Variants in POU2F1 observed in about 807,000 individuals in gnomAD.
The protein encoded by POU2F1 is POU class 2 homeobox 1, also known as POU domain, class 2, transcription factor 1.
Under a neutral mutation model 84.9 loss-of-function variants are expected in POU2F1, and 16 were observed. The observed-to-expected ratio is 0.19, with a 90% CI of 0.13 to 0.29. The LOEUF is 0.29. POU2F1 is among the 10% of genes least tolerant of loss of function. The pLI is 1.00. For missense variants in POU2F1, 738 were observed against 942.6 expected (o/e 0.78, Z 2.84); for synonymous variants, 368 against 368.3 (o/e 1.00, Z 0.01).
At chr1:167,339,845 A>G (rs57317164) in intron 2 of POU2F1, among the ~76,000 whole-genome samples, 3,030 of 152,326 alleles carry the variant, frequency 0.02, 95 homozygotes, top group African/African-American at 0.068. Flanking sequence ...TTATAAAACA[A>G]TTTGTTATAA....
chr1:167,361,416 G>A (rs12724691), intron 2 of POU2F1, among the ~76,000 whole-genome samples: 1,843 of 152,060 alleles, frequency 0.012, 14 homozygotes, highest in South Asian at 0.026. Context: ...GCTTTTTTCT[G>A]GTTCTATTGT....
chr1:167,297,038 T>C (rs1320963341), intron 1 of POU2F1, among the ~76,000 whole-genome samples: 1 of 152,180 alleles, frequency 6.6e-6, no homozygotes, highest in East Asian at 1.9e-4. Flanking sequence ...CAGGAAAGAA[T>C]GGTTGAAATT....
intron 1 of POU2F1, among the ~76,000 whole-genome samples, chr1:167,282,135 A>C (rs117088351): frequency 1.3e-5 from 2 of 149,816 alleles, no homozygotes; most frequent in East Asian, 3.9e-4. Context: ...AAACAAAAGA[A>C]TTTTTTTTCT....
intron 1 of POU2F1, among the ~76,000 whole-genome samples, chr1:167,273,078 A>C (rs192627802): frequency 1.6e-4 from 24 of 152,358 alleles, no homozygotes; most frequent in African/African-American, 5.3e-4. Flanking sequence ...GGCCCTGTGC[A>C]AGTCCGAAAC....
chr1:167,285,308 C>T (rs1415833801), intron 1 of POU2F1, among the ~76,000 whole-genome samples: 2 of 152,302 alleles, frequency 1.3e-5, no homozygotes, highest in Middle Eastern at 3.4e-3. Context: ...TTAGATGTAT[C>T]TTAAGACTAT....
rs1423993829 is a variant in POU2F1, at chr1:167,415,816, G to GT, written c.*6_*7insT. 6.2e-7 allele frequency: 1 copy of GT among 1,608,092 alleles called. No homozygotes were observed. The highest frequency in any genetic ancestry group is 1.7e-5 in the Admixed American group (1 of 59,344). ...CCGCCTCCAAGGCACAGTGAGCTGG[G>GT]CAGAGCTGGGCTGCCAGAAGCCTTT... On this transcript the variant is annotated 3_prime_UTR_variant, in exon 16 of 16. Coordinates refer to ENST00000367866, the MANE Select transcript of POU2F1 (RefSeq NM_002697.4).
chr1:167,278,785 C>T (rs1173944493), intron 1 of POU2F1, among the ~76,000 whole-genome samples: 4 of 89,544 alleles, frequency 4.5e-5, no homozygotes, highest in Non-Finnish European at 7.1e-5. Flanking sequence ...ATTGGCTATC[C>T]CCTTCATTTG....
At chr1:167,359,072 G>A (rs1286421807) in intron 2 of POU2F1, among the ~76,000 whole-genome samples, 4 of 149,332 alleles carry the variant, frequency 2.7e-5, no homozygotes, top group South Asian at 4.2e-4. Context: ...ATTTTCTTTG[G>A]ATTTATTTAT....
intron 15 of POU2F1, among the ~76,000 whole-genome samples, chr1:167,413,631 G>A (rs931100316): frequency 4.6e-5 from 7 of 152,028 alleles, no homozygotes; most frequent in African/African-American, 7.2e-5. Flanking sequence ...TTTTTATATC[G>A]CCGTTAGTGT....
rs1650393395 is a variant in POU2F1, at chr1:167,417,580, T to A, written c.*1770T>A. The A allele has an allele frequency of 2.0e-5, 3 of 152,236 alleles. No individual in the cohort carries two copies. The South Asian group carries it at 6.2e-4, about 32-fold the overall frequency. 9.4% of individuals were successfully genotyped at this position (152,236 alleles called of 1,614,324 possible). A position where few individuals can be genotyped will look rare whatever the true frequency, so the allele number is the denominator to read the frequency against. ...CTGGATCACTGCAGTGCAGCTCATC[T>A]AAGTTCCCCTTCTTATTGGAGTTAA... On this transcript the variant is annotated 3_prime_UTR_variant, in exon 16 of 16. Coordinates refer to ENST00000367866, the MANE Select transcript of POU2F1 (RefSeq NM_002697.4).
At chr1:167,267,182 A>G (rs1652026728) in intron 1 of POU2F1, among the ~76,000 whole-genome samples, 4 of 151,974 alleles carry the variant, frequency 2.6e-5, no homozygotes, top group Admixed American at 2.6e-4. Context: ...AAAAAGAGCT[A>G]TCAAATATAT....
intron 1 of POU2F1, among the ~76,000 whole-genome samples, chr1:167,221,191 G>T (rs975613964): frequency 6.6e-6 from 1 of 151,534 alleles, no homozygotes. Flanking sequence ...GCGATCCACT[G>T]CCCTCCTCCT....
intron 2 of POU2F1, among the ~76,000 whole-genome samples, chr1:167,360,185 C>T (rs1162995814): frequency 2.0e-5 from 3 of 151,964 alleles, no homozygotes; most frequent in Non-Finnish European, 4.4e-5. Context: ...TCTCCTCAGT[C>T]CTGTCTCTTT....
chr1:167,267,892 G>A (rs1234760654), intron 1 of POU2F1, among the ~76,000 whole-genome samples: 1 of 151,718 alleles, frequency 6.6e-6, no homozygotes, highest in East Asian at 1.9e-4. Context: ...TGCCTGCCTC[G>A]AGCCTCCCAA....
chr1:167,387,091 T>G (rs1205757176), intron 8 of POU2F1: 1 of 447,216 alleles, frequency 2.2e-6, no homozygotes, highest in East Asian at 7.0e-5. Flanking sequence ...CAGAGACTTC[T>G]TCCTGGCCTC....
chr1:167,396,701 A>G (rs965269307), intron 10 of POU2F1: 6 of 337,420 alleles, frequency 1.8e-5, no homozygotes, highest in Admixed American at 4.4e-5. Context: ...ACACACACAC[A>G]CACACACAGT....
chr1:167,270,501 T>A (rs1258035975), intron 1 of POU2F1, among the ~76,000 whole-genome samples: 1 of 152,178 alleles, frequency 6.6e-6, no homozygotes, highest in Non-Finnish European at 1.5e-5. Context: ...CTGTGTAGGA[T>A]GTTCTAAAGA....
chr1:167,340,544 G>T (rs998024831), intron 2 of POU2F1, among the ~76,000 whole-genome samples: 1 of 146,514 alleles, frequency 6.8e-6, no homozygotes, highest in East Asian at 2.0e-4. Flanking sequence ...AAGTTCTCCC[G>T]CCTCAGCCTC....
intron 13 of POU2F1, among the ~76,000 whole-genome samples, chr1:167,408,964 G>A (rs1440367583): frequency 6.6e-6 from 1 of 152,092 alleles, no homozygotes; most frequent in Non-Finnish European, 1.5e-5. Context: ...TTCCTTTATT[G>A]GATATGTGAT....
Sources: gnomAD v4.1 joint callset for allele counts (sites outside exome capture counted in the v4.1 genomes callset) on GRCh38, gnomAD v4.1.1 for gene constraint, MANE v1.5 for transcripts, NCBI Gene and HGNC (gene_info 2026-07-23, HGNC 2026-07-21) for gene names.